The following CAND2 variants were observed in gnomAD, a reference collection of about 807,000 sequenced individuals.
CAND2 encodes the protein cullin associated and neddylation dissociated 2 (putative).
CAND2 carries 62 observed loss-of-function variants against 98.9 expected under a neutral mutation model. That is an observed-to-expected ratio of 0.63 (90% CI 0.51 to 0.77). CAND2 has a LOEUF of 0.77. CAND2 is among the 30% of genes least tolerant of loss of function. CAND2 has a pLI of 0.00. For synonymous variants in CAND2, 770 were observed against 731.9 expected (o/e 1.05, Z -0.84); for missense variants, 1,501 against 1,655.2 (o/e 0.91, Z 1.62).
chr3:12,832,795 C>G (rs1241148714), intron 14 of CAND2: 1 of 152,216 alleles, frequency 6.6e-6, no homozygotes. Context: ...CTGTACTACT[C>G]ACATTACTCA....
rs761115545 is a variant in CAND2, at chr3:12,817,203, T to C, written c.2271T>C (p.Ala757=). The change falls in exon 10 of 15, where the codon GCT becomes GCC. Residue 757 remains alanine (A), a synonymous_variant. Transcript: ENST00000456430. Reference sequence around the variant, plus strand: ...TGCCAGCCGGGGTTCTGGCAGCTGCTGAAGGCTTCCTGCAGGCCCTGGTAG... The same window carrying C: ...TGCCAGCCGGGGTTCTGGCAGCTGCCGAAGGCTTCCTGCAGGCCCTGGTAG... ...PLLPAGVLAA[A]EGFLQALVGT... 8.7e-6 allele frequency: 14 copies of C among 1,613,438 alleles called. No individual in the cohort carries two copies. Among genetic ancestry groups the C allele is most frequent in the South Asian group, 4.4e-5 (4 of 91,082 alleles).
At chr3:12,822,471 A>C (rs1007675514) in intron 11 of CAND2, among the ~76,000 whole-genome samples, 1 of 151,506 alleles carries the variant, frequency 6.6e-6, no homozygotes, top group African/African-American at 2.4e-5. Context: ...TACTTTTTAA[A>C]TTTTTTTTAT....
chr3:12,823,246 G>C (rs555543007), intron 11 of CAND2, among the ~76,000 whole-genome samples: 1 of 151,856 alleles, frequency 6.6e-6, no homozygotes, highest in East Asian at 1.9e-4. Flanking sequence ...TCCTTCATAA[G>C]CTGGGTGGTT....
chr3:12,818,888 G>A (rs1181253485), intron 10 of CAND2, among the ~76,000 whole-genome samples: 2 of 152,210 alleles, frequency 1.3e-5, no homozygotes, highest in East Asian at 3.8e-4. Flanking sequence ...AACCTTGAGA[G>A]ACGAGAGTGT....
chr3:12,796,680 A>G lies in CAND2; in HGVS notation c.-41A>G, dbSNP rs371427654. ...CGAGGGAGGGGGCGCCCGCGCCGCC[A>G]TATTCCCTCCCGCCGGCCGGCTCCG... On this transcript the variant is annotated 5_prime_UTR_variant, in exon 1 of 15. Coordinates refer to ENST00000456430, the MANE Select transcript of CAND2 (RefSeq NM_001162499.2). The G allele has an allele frequency of 0.011, 17,260 of 1,546,044 alleles. 119 individuals carry two copies. The highest frequency in any genetic ancestry group is 0.013 in the Non-Finnish European group (14,682 of 1,141,274).
chr3:12,815,065 C>T lies in CAND2; in HGVS notation c.1007-76C>T, dbSNP rs1482380094. 2 of 1,459,312 alleles carry T rather than the reference C, an allele frequency of 1.4e-6. No individual in the cohort carries two copies. The highest frequency in any genetic ancestry group is 1.9e-6 in the Non-Finnish European group (2 of 1,064,134). The allele number at this position is 1,459,312 out of a possible 1,614,324, so 90.4% of individuals were successfully genotyped here. A position where few individuals can be genotyped will look rare whatever the true frequency, so the allele number is the denominator to read the frequency against. ...AGCACAGTGCCCAGCTCTCTCTCCTCCCTGTCCCTTCTCCCCCGAGCCACA... is the reference window on the plus strand; with the variant it reads ...AGCACAGTGCCCAGCTCTCTCTCCTTCCTGTCCCTTCTCCCCCGAGCCACA... On this transcript the variant is annotated intron_variant, in intron 7 of 14. Transcript: ENST00000456430. The surrounding 1 kb of genome is among the most constrained non-coding windows in gnomAD (Gnocchi z 5.7).
At position 12,810,152 on chromosome 3, in the gene CAND2, G is replaced by T; in HGVS notation, c.585G>T (p.Ala195=). Residue 195 remains alanine (A), a synonymous_variant, in exon 5 of 15, where the codon GCG becomes GCT. Transcript: ENST00000456430. The stretch of plus-strand genomic sequence containing the variant: ...CGCGCCTGGCGGTGCGCAAGCGGGC[G>T]GTCGGAGCGCTTGGCCACCTGGCGG... ...SSPRLAVRKR[A]VGALGHLAAA... The T allele has an allele frequency of 1.3e-6, 2 of 1,524,910 alleles. No individual in the cohort carries two copies. The highest frequency in any genetic ancestry group is 2.4e-5 in the South Asian group (2 of 82,366). The allele number at this position is 1,524,910 out of a possible 1,614,324, so 94.5% of individuals were successfully genotyped here. A position where few individuals can be genotyped will look rare whatever the true frequency, so the allele number is the denominator to read the frequency against.
chr3:12,817,880 G>C lies in CAND2; in HGVS notation c.2944+4G>C. ...TTGCGGAAGCAGCTTGCTGCAGGTAGGCACACAGGTGTGGGCAAGGCAGCC... is the reference window on the plus strand; with the variant it reads ...TTGCGGAAGCAGCTTGCTGCAGGTACGCACACAGGTGTGGGCAAGGCAGCC... On this transcript the variant is annotated splice_donor_region_variant and intron_variant, in intron 10 of 14. Coordinates refer to ENST00000456430, the MANE Select transcript of CAND2 (RefSeq NM_001162499.2). 3 of 1,504,872 alleles carry C rather than the reference G, an allele frequency of 2.0e-6. No individual in the cohort carries two copies. In the South Asian group the frequency reaches 4.1e-5, roughly 20 times the overall value. The allele number at this position is 1,504,872 out of a possible 1,614,324, so 93.2% of individuals were successfully genotyped here. A position where few individuals can be genotyped will look rare whatever the true frequency, so the allele number is the denominator to read the frequency against.
At chr3:12,820,254 A>G in intron 11 of CAND2, 73 bp downstream of exon 11, 1 of 1,166,828 alleles carries the variant, frequency 8.6e-7, no homozygotes, top group Non-Finnish European at 1.3e-6. Flanking sequence ...GCTGATGTTT[A>G]CTACCCAATA....
Position 12,815,028 on chromosome 3 carries a change from A to G in CAND2, c.1007-113A>G, listed in dbSNP as rs2061884747. 9.4e-7 allele frequency: 1 copy of G among 1,061,850 alleles called. No individual in the cohort carries two copies. Among genetic ancestry groups the G allele is most frequent in the African/African-American group, 1.6e-5 (1 of 63,370 alleles). The allele number at this position is 1,061,850 out of a possible 1,614,324, so 65.8% of individuals were successfully genotyped here. On this transcript the variant is annotated intron_variant, in intron 7 of 14. Coordinates refer to ENST00000456430, the MANE Select transcript of CAND2 (RefSeq NM_001162499.2). The surrounding 1 kb of genome is among the most constrained non-coding windows in gnomAD (Gnocchi z 5.7). ...CATAGGGTATCTATAAATGCTGATCATCAAAAAGTGAAGCACAGTGCCCAG... is the reference window on the plus strand; with the variant it reads ...CATAGGGTATCTATAAATGCTGATCGTCAAAAAGTGAAGCACAGTGCCCAG...
intron 5 of CAND2, 58 bp downstream of exon 5, chr3:12,810,382 C>A: frequency 7.5e-7 from 1 of 1,326,770 alleles, no homozygotes; most frequent in Non-Finnish European, 9.7e-7. Context: ...TAGGGTGAGC[C>A]AATGACTCGG....
intron 12 of CAND2, among the ~76,000 whole-genome samples, chr3:12,826,666 C>T (rs774046400): frequency 5.3e-5 from 8 of 151,950 alleles, no homozygotes; most frequent in Non-Finnish European, 1.0e-4. Flanking sequence ...CCTGCCTCGG[C>T]CTCTCAAAGT....
Position 12,833,881 on chromosome 3 carries a change from T to C in CAND2, c.3610T>C (p.Ser1204Pro). The change falls in exon 15 of 15, where the codon TCT (serine) becomes CCT (proline). Residue 1204 changes from serine to proline, a missense_variant. Around this residue, in one of 3 missense-constraint regions of CAND2, gnomAD observed 1,427 missense variants for 1,545.3 expected, o/e 0.92. Transcript: ENST00000456430. ...GAAAAGCCCCATCATGGCCGACTTC[T>C]CTTCCCAAATCAGATCCAACCCTGA... is the stretch of plus-strand genomic sequence containing the variant. The part of the protein sequence containing the change: ...VGKSPIMADF[S>P]SQIRSNPELA... The C allele has an allele frequency of 6.2e-7, 1 of 1,614,228 alleles. No homozygotes were observed.
At chr3:12,810,021 G>A (rs2061837517) in intron 4 of CAND2, 38 bp from the exon 5 acceptor site, 6 of 1,381,966 alleles carry the variant, frequency 4.3e-6, no homozygotes, top group Non-Finnish European at 5.6e-6. Flanking sequence ...GGTTGCCCGC[G>A]GAGTGCGATC....
intron 10 of CAND2, among the ~76,000 whole-genome samples, chr3:12,819,315 A>G (rs1448711785): frequency 2.0e-5 from 3 of 152,236 alleles, no homozygotes; most frequent in Non-Finnish European, 1.5e-5. Context: ...GAGGCTGAAC[A>G]TAAAGCCTGT....
At chr3:12,820,791 C>G (rs7616264) in intron 11 of CAND2, among the ~76,000 whole-genome samples, 1 of 152,194 alleles carries the variant, frequency 6.6e-6, no homozygotes, top group African/African-American at 2.4e-5. Context: ...CAGCCCCTCA[C>G]TGGGCCACAC....
In CAND2 at chr3:12,834,166, A is replaced by T. The variant is rs914304751; in HGVS notation, c.*184A>T. On this transcript the variant is annotated 3_prime_UTR_variant, in exon 15 of 15. Transcript: ENST00000456430. Reference sequence around the variant, plus strand: ...GACCCAACTCAAAGGCCCCCAGCCCAAGCTGTGAGGCTGCCAACAGTTGGG... The same window carrying T: ...GACCCAACTCAAAGGCCCCCAGCCCTAGCTGTGAGGCTGCCAACAGTTGGG... 1 of 599,962 alleles carries T rather than the reference A, an allele frequency of 1.7e-6. No individual in the cohort carries two copies. The highest frequency in any genetic ancestry group is 3.0e-6 in the Non-Finnish European group (1 of 338,166). The allele number at this position is 599,962 out of a possible 1,614,324, so 37.2% of individuals were successfully genotyped here.
At chr3:12,821,518 C>T (rs539797187) in intron 11 of CAND2, among the ~76,000 whole-genome samples, 31 of 152,364 alleles carry the variant, frequency 2.0e-4, no homozygotes, top group Admixed American at 1.9e-3. Flanking sequence ...TGCAGAAGCT[C>T]TAGCAAGGTC....
intron 4 of CAND2, among the ~76,000 whole-genome samples, chr3:12,809,270 A>G (rs2061830955): frequency 6.6e-6 from 1 of 151,898 alleles, no homozygotes; most frequent in Admixed American, 6.6e-5. Flanking sequence ...GGGCATGTTG[A>G]ACTTGAGGCT....
Sources: gnomAD v4.1 joint callset for allele counts (sites outside exome capture counted in the v4.1 genomes callset) on GRCh38, gnomAD v4.1.1 for gene constraint, gnomAD v4.1.1 regional missense constraint, Gnocchi (gnomAD v3.1) non-coding constraint, MANE v1.5 for transcripts, NCBI Gene and HGNC (gene_info 2026-07-23, HGNC 2026-07-21) for gene names.